Variants in SYT1 observed in about 807,000 individuals in gnomAD.
SYT1 encodes the protein synaptotagmin-1.
In SYT1, 8 loss-of-function variants were observed where a neutral mutation model predicts 44.8. The ratio of observed to expected loss-of-function variants is 0.18; its 90% CI spans 0.10 to 0.32. The LOEUF (loss-of-function observed/expected upper bound fraction) is 0.32. Among genes scored for constraint, SYT1 ranks in the 10% least tolerant of loss-of-function variants. The pLI, the probability that SYT1 is intolerant of heterozygous loss-of-function variation, is 1.00. For synonymous variants in SYT1, 154 were observed against 188.8 expected (o/e 0.82, Z 1.51); for missense variants, 286 against 509.3 (o/e 0.56, Z 4.22).
chr12:78,878,853 C>T (rs547330907), intron 1 of SYT1, among the ~76,000 whole-genome samples: 72 of 151,804 alleles, frequency 4.7e-4, no homozygotes, highest in South Asian at 2.1e-3. Flanking sequence ...TTTACATAGT[C>T]ATTCAAAAAT....
At chr12:79,246,372 C>A (rs1876851192) in intron 4 of SYT1, among the ~76,000 whole-genome samples, 1 of 152,160 alleles carries the variant, frequency 6.6e-6, no homozygotes, top group African/African-American at 2.4e-5. Flanking sequence ...TCCAGTTCTT[C>A]TCTTCTTTCT....
intron 3 of SYT1, among the ~76,000 whole-genome samples, chr12:79,171,870 G>A (rs921755574): frequency 6.6e-6 from 1 of 151,880 alleles, no homozygotes; most frequent in Non-Finnish European, 1.5e-5. Flanking sequence ...TTAATGAGAG[G>A]ATTAAATGAT....
chr12:79,210,599 T>A (rs952734418), intron 3 of SYT1, among the ~76,000 whole-genome samples: 4 of 152,238 alleles, frequency 2.6e-5, no homozygotes, highest in African/African-American at 9.6e-5. Flanking sequence ...CATGGCTGAG[T>A]AGTATTCCAT....
At position 79,191,664 on chromosome 12, in the gene SYT1, C is replaced by A. The variant is rs546467697; in HGVS notation, c.-17-25839C>A. 2.0e-5 allele frequency among the ~76,000 whole-genome samples: 3 copies of A among 152,182 alleles called. No individual in the cohort carries two copies. The South Asian group carries it at 6.2e-4, about 32-fold the overall frequency. ...TGTTGATATTTTAAGAATTTTAAGA[C>A]ATTTCTAGACTTCAAAAATGCATGG... On this transcript the variant is annotated intron_variant, in intron 3 of 10. Coordinates refer to ENST00000261205, the MANE Select transcript of SYT1 (RefSeq NM_005639.3).
Position 79,186,938 on chromosome 12 carries a change from C to A in SYT1, c.-17-30565C>A, listed in dbSNP as rs1390490699. Among the ~76,000 whole-genome samples, 4 of 151,876 alleles carry A rather than the reference C, an allele frequency of 2.6e-5. No homozygotes were observed. The South Asian group carries it at 8.3e-4, about 32-fold the overall frequency. ...TGACAAATGTAAATAATATTTACTCCTTAAAAGGTAATCTAATCTGGTATT... is the reference window on the plus strand; with the variant it reads ...TGACAAATGTAAATAATATTTACTCATTAAAAGGTAATCTAATCTGGTATT... On this transcript the variant is annotated intron_variant, in intron 3 of 10. Transcript: ENST00000261205.
At chr12:78,903,766 A>G (rs535943776) in intron 1 of SYT1, among the ~76,000 whole-genome samples, 1 of 152,240 alleles carries the variant, frequency 6.6e-6, no homozygotes, top group East Asian at 1.9e-4. Context: ...TTTAATAGGT[A>G]TGTATATTTA....
In SYT1 at chr12:79,273,160, A is replaced by G. The variant is rs1258112948; in HGVS notation, c.167-12627A>G. ...TTGACAATATCTCGCTCTGTTACTC[A>G]GGCTGCAGTGCAGTGGCACAATCAT... On this transcript the variant is annotated intron_variant, in intron 4 of 10. Coordinates refer to ENST00000261205, the MANE Select transcript of SYT1 (RefSeq NM_005639.3). Among the ~76,000 whole-genome samples, 4 of 144,452 alleles carry G rather than the reference A, an allele frequency of 2.8e-5. No individual in the cohort carries two copies. In the East Asian group the frequency reaches 6.2e-4, roughly 22 times the overall value. 94.8% of individuals were successfully genotyped at this position (144,452 alleles called of 152,430 possible). A position where few individuals can be genotyped will look rare whatever the true frequency, so the allele number is the denominator to read the frequency against.
intron 3 of SYT1, among the ~76,000 whole-genome samples, chr12:79,054,965 G>A (rs1420292418): frequency 6.6e-6 from 1 of 151,844 alleles, no homozygotes. Context: ...ATGATTTACA[G>A]TATTTTTTGA....
intron 4 of SYT1, among the ~76,000 whole-genome samples, chr12:79,227,786 TAGC>T (rs1303476137): frequency 4.6e-5 from 7 of 152,132 alleles, no homozygotes; most frequent in Non-Finnish European, 1.0e-4. Flanking sequence ...GTGAAGTCGT[TAGC>T]AGAGTGTCTG....
intron 4 of SYT1, among the ~76,000 whole-genome samples, chr12:79,256,706 G>A (rs1405883964): frequency 6.6e-6 from 1 of 152,138 alleles, no homozygotes; most frequent in African/African-American, 2.4e-5. Context: ...CAAGCAATAG[G>A]AATGCTTCTA....
At chr12:79,224,797 G>T (rs1331537922) in intron 4 of SYT1, among the ~76,000 whole-genome samples, 1 of 143,950 alleles carries the variant, frequency 6.9e-6, no homozygotes. Context: ...ATTATTATTA[G>T]AGACAGAGTT....
At chr12:79,327,923 G>A (rs553338390) in intron 8 of SYT1, among the ~76,000 whole-genome samples, 73 of 152,300 alleles carry the variant, frequency 4.8e-4, no homozygotes, top group Non-Finnish European at 7.6e-4. Context: ...GTACATGTGA[G>A]AGGGGAATGG....
chr12:78,943,374 A>G (rs1034542505), intron 1 of SYT1, among the ~76,000 whole-genome samples: 2 of 152,196 alleles, frequency 1.3e-5, no homozygotes, highest in African/African-American at 4.8e-5. Flanking sequence ...ATGGCAGATT[A>G]CAAAAGGGGA....
chr12:79,045,725 T>C (rs1873997376), intron 2 of SYT1: 1 of 152,334 alleles, frequency 6.6e-6, no homozygotes, highest in African/African-American at 2.4e-5. Context: ...GTGATAGATA[T>C]GCATGCAAAA....
At chr12:78,883,940 A>T (rs949594462) in intron 1 of SYT1, among the ~76,000 whole-genome samples, 1 of 151,746 alleles carries the variant, frequency 6.6e-6, no homozygotes, top group Non-Finnish European at 1.5e-5. Context: ...AGTAAAGAGA[A>T]ATATTTTAAA....
chr12:79,292,224 G>A (rs1879622037), intron 6 of SYT1, 94 bp downstream of exon 6: 3 of 1,417,362 alleles, frequency 2.1e-6, no homozygotes, highest in Non-Finnish European at 2.8e-6. Flanking sequence ...TATTTTGTTT[G>A]CTGTGAGGGG....
At chr12:79,259,704 A>G (rs1877723924) in intron 4 of SYT1, among the ~76,000 whole-genome samples, 1 of 152,224 alleles carries the variant, frequency 6.6e-6, no homozygotes, top group Non-Finnish European at 1.5e-5. Context: ...ACTGACCTCC[A>G]GCCTGGATGG....
intron 3 of SYT1, among the ~76,000 whole-genome samples, chr12:79,074,971 C>T (rs1329243099): frequency 6.6e-6 from 1 of 152,140 alleles, no homozygotes; most frequent in African/African-American, 2.4e-5. Flanking sequence ...CTATGTACTT[C>T]ACTGTGAAGT....
chr12:79,179,197 TATATAG>T (rs1430758442), intron 3 of SYT1, among the ~76,000 whole-genome samples: 34 of 52,666 alleles, frequency 6.5e-4, no homozygotes, highest in African/African-American at 2.8e-3. Context: ...TAGATATAGA[TATATAG>T]ATATAGATAT....
Sources: allele counts gnomAD v4.1 joint callset (sites outside exome capture counted in the v4.1 genomes callset), GRCh38; gene constraint gnomAD v4.1.1; transcripts MANE v1.5; gene names NCBI Gene and HGNC (gene_info 2026-07-23, HGNC 2026-07-21).